SLC37A1: variants seen among roughly 807,000 people sequenced by gnomAD.
SLC37A1 encodes the protein glucose-6-phosphate exchanger SLC37A1.
A neutral mutation model predicts 75.3 loss-of-function variants in SLC37A1; 49 were observed. The observed-to-expected ratio is 0.65, with a 90% CI of 0.52 to 0.83. The LOEUF is 0.83. Among genes scored for constraint, SLC37A1 ranks in the 40% least tolerant of loss-of-function variants. SLC37A1 has a pLI of 0.00. For synonymous variants in SLC37A1, 268 were observed against 292.1 expected (o/e 0.92, Z 0.84); for missense variants, 566 against 695.0 (o/e 0.81, Z 2.09).
chr21:42,528,822 C>G (rs960201240), intron 3 of SLC37A1, among the ~76,000 whole-genome samples: 10 of 151,922 alleles, frequency 6.6e-5, no homozygotes, highest in Admixed American at 4.6e-4. Context: ...AAGTGAAACT[C>G]CATCTAAAAA....
chr21:42,566,580 C>CA (rs1384136050), intron 15 of SLC37A1, among the ~76,000 whole-genome samples: 2 of 152,118 alleles, frequency 1.3e-5, no homozygotes, highest in African/African-American at 2.4e-5. Context: ...TGTGACCCCC[C>CA]CTCAGGCCAG....
At chr21:42,518,622 C>A in intron 2 of SLC37A1, 112 bp downstream of exon 2, 2 of 1,194,558 alleles carry the variant, frequency 1.7e-6, no homozygotes, top group South Asian at 1.3e-5. Context: ...ACTTGAATCA[C>A]TGACCTCACC....
At chr21:42,524,898 A>G (rs1276694822) in intron 2 of SLC37A1, among the ~76,000 whole-genome samples, 1 of 152,112 alleles carries the variant, frequency 6.6e-6, no homozygotes, top group Non-Finnish European at 1.5e-5. Context: ...CTCCTGGGGG[A>G]CTGGTTGCCA....
chr21:42,529,143 A>G (rs1472368905), intron 3 of SLC37A1, among the ~76,000 whole-genome samples: 1 of 152,246 alleles, frequency 6.6e-6, no homozygotes, highest in African/African-American at 2.4e-5. Context: ...TTACATGAGA[A>G]TAGACAAAAA....
At chr21:42,553,446 A>G (rs2055604816) in intron 9 of SLC37A1, among the ~76,000 whole-genome samples, 1 of 152,230 alleles carries the variant, frequency 6.6e-6, no homozygotes, top group Non-Finnish European at 1.5e-5. Context: ...GGGGTTCTAC[A>G]TAGAGCCCTG....
At chr21:42,574,684 G>A (rs2056266980) in intron 17 of SLC37A1, 134 bp from the exon 18 acceptor site, 1 of 777,330 alleles carries the variant, frequency 1.3e-6, no homozygotes, top group Non-Finnish European at 2.1e-6. Context: ...TGATAGGCCA[G>A]GATGAGGTAG....
chr21:42,579,818 C>CCTGT lies in SLC37A1; in HGVS notation c.1586+21_1586+24dup. 1 of 1,613,614 alleles carries CCTGT rather than the reference C, an allele frequency of 6.2e-7. No homozygotes were observed. The highest frequency in any genetic ancestry group is 2.2e-5 in the East Asian group (1 of 44,874). On this transcript the variant is annotated intron_variant, in intron 19 of 19. Transcript: ENST00000352133. ...CAAGTTCCGTAAGTCCCACTCGGGC[C>CCTGT]CTGTCTCCGTGCGTGAAAGCCGGCT...
chr21:42,535,669 C>T (rs1256447198), intron 5 of SLC37A1, 119 bp downstream of exon 5: 1 of 842,306 alleles, frequency 1.2e-6, no homozygotes, highest in Non-Finnish European at 2.0e-6. Flanking sequence ...TTGCCACTGG[C>T]TTCCCTGCTG....
rs902869157 is a variant in SLC37A1 at position 42,531,257 on chromosome 21, C to T, written c.139-3441C>T. 1.4e-4 allele frequency among the ~76,000 whole-genome samples: 21 copies of T among 152,364 alleles called. No homozygotes were observed. In the East Asian group the frequency reaches 3.7e-3, roughly 27 times the overall value. On this transcript the variant is annotated intron_variant, in intron 3 of 19. Coordinates refer to ENST00000352133, the MANE Select transcript of SLC37A1 (RefSeq NM_001320537.2). Reference sequence around the variant, plus strand: ...ACACTCGTCGCGCTGTGACTCCTGGCGGTTTTCTGTGTTCTTCCAGAAGAT... The same window carrying T: ...ACACTCGTCGCGCTGTGACTCCTGGTGGTTTTCTGTGTTCTTCCAGAAGAT...
intron 2 of SLC37A1, among the ~76,000 whole-genome samples, chr21:42,518,846 A>G (rs753142822): frequency 5.9e-5 from 9 of 152,250 alleles, no homozygotes; most frequent in Non-Finnish European, 1.3e-4. Flanking sequence ...CATAACTTAT[A>G]TATAAGTTAC....
intron 10 of SLC37A1, among the ~76,000 whole-genome samples, chr21:42,555,033 T>A (rs1461358783): frequency 6.7e-6 from 1 of 149,184 alleles, no homozygotes; most frequent in East Asian, 2.0e-4. Context: ...TCGCCCAGTC[T>A]GGAGTGCAGT....
chr21:42,541,397 C>A (rs1034544405), intron 6 of SLC37A1, among the ~76,000 whole-genome samples: 8 of 152,040 alleles, frequency 5.3e-5, no homozygotes, highest in African/African-American at 1.9e-4. Flanking sequence ...GTTGGGGACC[C>A]TGCTCTAGAG....
intron 9 of SLC37A1, 90 bp from the exon 10 acceptor site, chr21:42,553,972 C>T (rs759790896): frequency 2.8e-6 from 3 of 1,065,678 alleles, no homozygotes; most frequent in African/African-American, 1.6e-5. Flanking sequence ...TTTTTTGGGA[C>T]GATAGTAAGT....
intron 11 of SLC37A1, among the ~76,000 whole-genome samples, chr21:42,559,523 G>A (rs1276281840): frequency 1.3e-5 from 2 of 152,200 alleles, no homozygotes; most frequent in Non-Finnish European, 2.9e-5. Flanking sequence ...CATGGGAGGC[G>A]CTGGCACTGA....
At chr21:42,530,340 G>T (rs868173240) in intron 3 of SLC37A1, among the ~76,000 whole-genome samples, 1 of 152,144 alleles carries the variant, frequency 6.6e-6, no homozygotes, top group African/African-American at 2.4e-5. Flanking sequence ...TGTGTATAAT[G>T]CATTTCACGT....
At chr21:42,533,735 C>T (rs530486059) in intron 3 of SLC37A1, among the ~76,000 whole-genome samples, 9 of 152,308 alleles carry the variant, frequency 5.9e-5, no homozygotes, top group Non-Finnish European at 1.2e-4. Context: ...TGGTGTTCAG[C>T]GTCACGGGTC....
At chr21:42,507,083 G>T (rs1241663049) in intron 2 of SLC37A1, among the ~76,000 whole-genome samples, 1 of 151,768 alleles carries the variant, frequency 6.6e-6, no homozygotes, top group Non-Finnish European at 1.5e-5. Context: ...GGATTTCATC[G>T]TGTTGCCCAG....
chr21:42,566,201 G>GCGGGGCTGC (rs2055973021), intron 15 of SLC37A1, among the ~76,000 whole-genome samples: 3 of 152,214 alleles, frequency 2.0e-5, no homozygotes, highest in Admixed American at 2.0e-4. Flanking sequence ...GGTGGGGCTG[G>GCGGGGCTGC]CGGGGCTGCA....
intron 2 of SLC37A1, among the ~76,000 whole-genome samples, chr21:42,507,542 T>G (rs2146680491): frequency 6.6e-6 from 1 of 152,336 alleles, no homozygotes; most frequent in South Asian, 2.1e-4. Context: ...GTCTTAGTCC[T>G]TTTGGGTTGC....
Sources: gnomAD v4.1 joint callset for allele counts (sites outside exome capture counted in the v4.1 genomes callset) on GRCh38, gnomAD v4.1.1 for gene constraint, MANE v1.5 for transcripts, NCBI Gene and HGNC (gene_info 2026-07-23, HGNC 2026-07-21) for gene names.